CTNND2: variants seen among roughly 807,000 people sequenced by gnomAD.
CTNND2 encodes catenin delta 2, also known as catenin delta-2.
Under a neutral mutation model 144.4 loss-of-function variants are expected in CTNND2, and 22 were observed. The ratio of observed to expected loss-of-function variants is 0.15; its 90% CI spans 0.11 to 0.22. The LOEUF is 0.22. Ranked by LOEUF, CTNND2 falls within the 10% of genes least tolerant of loss-of-function variation. The probability of loss-of-function intolerance (pLI) is 1.00; values close to 1 mark genes in which losing one functional copy is unlikely to be tolerated. For missense variants in CTNND2, 1,353 were observed against 1,618.8 expected (o/e 0.84, Z 2.82); for synonymous variants, 751 against 695.6 (o/e 1.08, Z -1.25).
intron 2 of CTNND2, among the ~76,000 whole-genome samples, chr5:11,658,128 A>T (rs749686947): frequency 3.3e-5 from 5 of 152,166 alleles, no homozygotes; most frequent in Non-Finnish European, 7.4e-5. Context: ...CCTATATTCA[A>T]ATTATAGTAA....
At chr5:11,448,836 T>TTA (rs1765067707) in intron 3 of CTNND2, among the ~76,000 whole-genome samples, 1 of 151,334 alleles carries the variant, frequency 6.6e-6, no homozygotes, top group African/African-American at 2.5e-5. Flanking sequence ...GCCTGGCTTT[T>TTA]TGTGTTTTTT....
intron 9 of CTNND2, among the ~76,000 whole-genome samples, chr5:11,284,524 T>C (rs903932909): frequency 6.6e-6 from 1 of 152,202 alleles, no homozygotes; most frequent in Non-Finnish European, 1.5e-5. Flanking sequence ...TTTGGTTTTC[T>C]GTTCCTGTGT....
chr5:11,470,266 T>C (rs1209174740), intron 3 of CTNND2, among the ~76,000 whole-genome samples: 1 of 151,978 alleles, frequency 6.6e-6, no homozygotes, highest in Non-Finnish European at 1.5e-5. Flanking sequence ...AGAAACCTCA[T>C]CTCCATTAAA....
intron 12 of CTNND2, among the ~76,000 whole-genome samples, chr5:11,137,675 G>A (rs1049915147): frequency 6.6e-6 from 1 of 152,168 alleles, no homozygotes; most frequent in Non-Finnish European, 1.5e-5. Flanking sequence ...TTGCAAACAT[G>A]CAAAACACAG....
intron 19 of CTNND2, among the ~76,000 whole-genome samples, chr5:10,992,062 C>T (rs1156235097): frequency 4.6e-5 from 7 of 152,194 alleles, no homozygotes; most frequent in African/African-American, 9.7e-5. Flanking sequence ...GGATTACAGG[C>T]GTGTGCCAAC....
intron 8 of CTNND2, among the ~76,000 whole-genome samples, chr5:11,354,575 T>C (rs1418775240): frequency 6.6e-6 from 1 of 152,174 alleles, no homozygotes; most frequent in African/African-American, 2.4e-5. Flanking sequence ...TGAGAACATT[T>C]CCACGAACAG....
chr5:11,339,485 C>T (rs1754034133), intron 9 of CTNND2, among the ~76,000 whole-genome samples: 2 of 152,192 alleles, frequency 1.3e-5, no homozygotes, highest in African/African-American at 4.8e-5. Flanking sequence ...GTCCTGCTGA[C>T]ACCTTGATTT....
chr5:11,457,536 G>T (rs1325317890), intron 3 of CTNND2, among the ~76,000 whole-genome samples: 2 of 152,108 alleles, frequency 1.3e-5, no homozygotes, highest in Non-Finnish European at 2.9e-5. Context: ...GTGAGTGGCA[G>T]GGCCAGGACT....
At chr5:10,991,982 A>ATCTC (rs1738729111) in intron 19 of CTNND2, among the ~76,000 whole-genome samples, 1 of 152,160 alleles carries the variant, frequency 6.6e-6, no homozygotes, top group South Asian at 2.1e-4. Context: ...CAGTGGCGCG[A>ATCTC]TCTCTGCTCA....
intron 2 of CTNND2, among the ~76,000 whole-genome samples, chr5:11,608,198 C>A (rs1780154310): frequency 6.6e-6 from 1 of 152,158 alleles, no homozygotes; most frequent in Non-Finnish European, 1.5e-5. Context: ...CCAGAAAACA[C>A]ATAGTTGAAA....
chr5:10,997,633 A>C (rs561903775), intron 18 of CTNND2, among the ~76,000 whole-genome samples: 1 of 152,192 alleles, frequency 6.6e-6, no homozygotes, highest in South Asian at 2.1e-4. Context: ...TTTTGAAGGA[A>C]ATGCTTTGTA....
At chr5:11,043,460 T>C (rs1348962283) in intron 16 of CTNND2, among the ~76,000 whole-genome samples, 1 of 152,140 alleles carries the variant, frequency 6.6e-6, no homozygotes, top group Non-Finnish European at 1.5e-5. Context: ...GGTAGTTGTA[T>C]TTGCGCTATA....
intron 1 of CTNND2, among the ~76,000 whole-genome samples, chr5:11,784,435 T>G (rs1790721742): frequency 6.6e-6 from 1 of 152,144 alleles, no homozygotes. Context: ...TAGGCAAAAC[T>G]CTAAAATGAC....
At chr5:11,415,804 T>C (rs935402353) in intron 3 of CTNND2, among the ~76,000 whole-genome samples, 4 of 151,710 alleles carry the variant, frequency 2.6e-5, no homozygotes, top group African/African-American at 9.7e-5. Context: ...ATAGATGGGG[T>C]CACAAAAGCG....
intron 16 of CTNND2, among the ~76,000 whole-genome samples, chr5:11,082,252 T>C (rs993018252): frequency 2.0e-5 from 3 of 152,348 alleles, no homozygotes; most frequent in Non-Finnish European, 4.4e-5. Context: ...ATCCTCTGTA[T>C]TTCTTGAATA....
At chr5:10,999,026 T>C (rs1213007397) in intron 18 of CTNND2, among the ~76,000 whole-genome samples, 2 of 152,218 alleles carry the variant, frequency 1.3e-5, no homozygotes, top group South Asian at 2.1e-4. Flanking sequence ...AGCTGGCCCA[T>C]GGCATAGATC....
intron 8 of CTNND2, among the ~76,000 whole-genome samples, chr5:11,359,045 T>C (rs750491971): frequency 7.9e-5 from 12 of 152,210 alleles, no homozygotes; most frequent in Non-Finnish European, 1.3e-4. Flanking sequence ...AGTGTTTGTG[T>C]TGGTCAAATA....
At chr5:11,244,094 G>A (rs1044276767) in intron 9 of CTNND2, among the ~76,000 whole-genome samples, 2 of 152,128 alleles carry the variant, frequency 1.3e-5, no homozygotes, top group African/African-American at 4.8e-5. Context: ...GCTTATTGAT[G>A]TAGTTAGGAA....
At chr5:11,415,126 T>C (rs185451084) in intron 3 of CTNND2, among the ~76,000 whole-genome samples, 1 of 152,360 alleles carries the variant, frequency 6.6e-6, no homozygotes, top group East Asian at 1.9e-4. Context: ...TCGGGTTGAA[T>C]AGCAGTTCTG....
Sources: allele counts gnomAD v4.1 joint callset (sites outside exome capture counted in the v4.1 genomes callset), GRCh38; gene constraint gnomAD v4.1.1; transcripts MANE v1.5; gene names NCBI Gene and HGNC (gene_info 2026-07-23, HGNC 2026-07-21).